Variants in RASSF8 observed in about 807,000 individuals in gnomAD.
RASSF8 encodes Ras association domain family member 8, also known as ras association domain-containing protein 8.
Under a neutral mutation model 48.5 loss-of-function variants are expected in RASSF8, and 22 were observed. The ratio of observed to expected loss-of-function variants is 0.45; its 90% CI spans 0.32 to 0.65. RASSF8 has a LOEUF of 0.65. RASSF8 is among the 30% of genes least tolerant of loss of function. The probability of loss-of-function intolerance (pLI) is 0.03; values close to 1 mark genes in which losing one functional copy is unlikely to be tolerated. For synonymous variants in RASSF8, 127 were observed against 171.5 expected (o/e 0.74, Z 2.03); for missense variants, 418 against 489.2 (o/e 0.85, Z 1.37).
chr12:26,017,665 C>G (rs1942683187), intron 2 of RASSF8, among the ~76,000 whole-genome samples: 1 of 152,224 alleles, frequency 6.6e-6, no homozygotes, highest in Non-Finnish European at 1.5e-5. Context: ...TTGCTGCTGG[C>G]TCTTGTACAC....
In RASSF8 at chr12:26,071,630, A is replaced by G. The variant is rs920705399; in HGVS notation, c.*2812A>G. 1.5e-5 allele frequency: 15 copies of G among 985,038 alleles called. No individual in the cohort carries two copies. In the African/African-American group the frequency reaches 1.9e-4, roughly 13 times the overall value. The allele number at this position is 985,038 out of a possible 1,614,324, so 61.0% of individuals were successfully genotyped here. On this transcript the variant is annotated 3_prime_UTR_variant, in exon 6 of 6. Transcript: ENST00000689635. ...TTCTGAGATATTTTGGTTTGATAAC[A>G]TTTTGTTTTTTGTCTTGATGCACAG...
At chr12:25,980,588 T>C (rs1036413428) in intron 1 of RASSF8, among the ~76,000 whole-genome samples, 8 of 152,196 alleles carry the variant, frequency 5.3e-5, no homozygotes, top group African/African-American at 1.9e-4. Flanking sequence ...AAAACACTTA[T>C]GGAAGCTGGA....
intron 1 of RASSF8, among the ~76,000 whole-genome samples, chr12:25,970,003 C>T (rs1389469363): frequency 1.3e-5 from 2 of 152,090 alleles, no homozygotes; most frequent in African/African-American, 2.4e-5. Flanking sequence ...CCTATAGTCC[C>T]TGTGTGGGCA....
At chr12:26,004,954 G>A (rs1192766846) in intron 2 of RASSF8, among the ~76,000 whole-genome samples, 5 of 152,068 alleles carry the variant, frequency 3.3e-5, no homozygotes, top group Non-Finnish European at 7.3e-5. Context: ...ATGGGTTTGA[G>A]GCCAGTCTGG....
At chr12:25,974,654 T>C (rs1487791346) in intron 1 of RASSF8, among the ~76,000 whole-genome samples, 1 of 152,208 alleles carries the variant, frequency 6.6e-6, no homozygotes, top group Non-Finnish European at 1.5e-5. Context: ...CTATTTTAGA[T>C]TTTTCAAATT....
intron 2 of RASSF8, among the ~76,000 whole-genome samples, chr12:26,017,829 G>A (rs954105014): frequency 1.3e-5 from 2 of 152,180 alleles, no homozygotes; most frequent in South Asian, 2.1e-4. Context: ...ACTTCACATG[G>A]AGTGACTATC....
chr12:26,033,256 G>T (rs1235673278), intron 2 of RASSF8, among the ~76,000 whole-genome samples: 1 of 152,142 alleles, frequency 6.6e-6, no homozygotes, highest in East Asian at 1.9e-4. Flanking sequence ...GTATGCTGGA[G>T]TTCCTTTGAG....
intron 2 of RASSF8, chr12:26,021,301 T>C (rs1387329731): frequency 2.6e-5 from 4 of 152,246 alleles, no homozygotes; most frequent in Non-Finnish European, 5.9e-5. Flanking sequence ...ACTTGAGCTA[T>C]GACCCACTCT....
chr12:26,074,448 T>C (rs949069149), downstream of RASSF8, among the ~76,000 whole-genome samples: 4 of 151,972 alleles, frequency 2.6e-5, no homozygotes, highest in Non-Finnish European at 4.4e-5. Flanking sequence ...GTTCAAGCAA[T>C]TCTCCTGCCT....
intron 1 of RASSF8, among the ~76,000 whole-genome samples, chr12:25,990,810 T>C (rs1941997106): frequency 6.6e-6 from 1 of 152,228 alleles, no homozygotes; most frequent in African/African-American, 2.4e-5. Context: ...CACAGGGATA[T>C]CACTTATGAA....
intron 2 of RASSF8, among the ~76,000 whole-genome samples, chr12:26,014,013 G>A (rs1428668092): frequency 6.6e-6 from 1 of 152,148 alleles, no homozygotes; most frequent in Non-Finnish European, 1.5e-5. Flanking sequence ...TGTGGTATTG[G>A]TTTGAGGAAT....
At chr12:25,968,488 A>G (rs1941410182) in intron 1 of RASSF8, among the ~76,000 whole-genome samples, 1 of 152,116 alleles carries the variant, frequency 6.6e-6, no homozygotes, top group Non-Finnish European at 1.5e-5. Context: ...GATTATAGGC[A>G]TGTACCACCA....
Position 26,065,070 on chromosome 12 carries a change from T to A in RASSF8, c.676T>A (p.Trp226Arg). ...NDVEIEEEEF[W>R]ENELQIEQEN... Reference sequence around the variant, plus strand: ...TGTAGAAATTGAGGAGGAAGAATTCTGGGAAAATGAATTACAGATTGAACA... The same window carrying A: ...TGTAGAAATTGAGGAGGAAGAATTCAGGGAAAATGAATTACAGATTGAACA... The change falls in exon 4 of 6, where the codon TGG becomes AGG. Residue 226 changes from tryptophan (W) to arginine (R), a missense_variant. By Grantham distance (101) the Trp-to-Arg change is moderately radical (BLOSUM62 -3). Transcript: ENST00000689635. 1 of 1,613,850 alleles carries A rather than the reference T, an allele frequency of 6.2e-7. No homozygotes were observed. The highest frequency in any genetic ancestry group is 8.5e-7 in the Non-Finnish European group (1 of 1,179,860).
At chr12:26,055,851 A>G (rs1260094141) in intron 3 of RASSF8, among the ~76,000 whole-genome samples, 1 of 152,236 alleles carries the variant, frequency 6.6e-6, no homozygotes, top group African/African-American at 2.4e-5. Context: ...AACAAATGAA[A>G]TAACATCGTT....
intron 2 of RASSF8, among the ~76,000 whole-genome samples, chr12:26,004,730 A>G (rs1014007462): frequency 5.9e-5 from 9 of 152,122 alleles, no homozygotes; most frequent in African/African-American, 2.2e-4. Context: ...GAGGAGGAGG[A>G]AGGGGAGCTC....
At chr12:26,014,132 C>T (rs1397666219) in intron 2 of RASSF8, among the ~76,000 whole-genome samples, 2 of 152,204 alleles carry the variant, frequency 1.3e-5, no homozygotes, top group Non-Finnish European at 2.9e-5. Context: ...GTGCCTTGTG[C>T]CCGGTGACTT....
In RASSF8 at chr12:26,071,882, C is replaced by G; in HGVS notation, c.*3064C>G. On this transcript the variant is annotated 3_prime_UTR_variant, in exon 6 of 6. Transcript: ENST00000689635. ...AATATATAACAAGAACATGTAAGCACTTGCTTCCACAGCATAAATGTAATT... is the reference window on the plus strand; with the variant it reads ...AATATATAACAAGAACATGTAAGCAGTTGCTTCCACAGCATAAATGTAATT... The G allele has an allele frequency of 1.0e-6, 1 of 984,808 alleles. No homozygotes were observed. Among genetic ancestry groups the G allele is most frequent in the Non-Finnish European group, 1.2e-6 (1 of 829,442 alleles). The allele number at this position is 984,808 out of a possible 1,614,324, so 61.0% of individuals were successfully genotyped here.
chr12:26,077,549 G>A (rs1198083789), downstream of RASSF8, among the ~76,000 whole-genome samples: 2 of 151,962 alleles, frequency 1.3e-5, no homozygotes, highest in Non-Finnish European at 2.9e-5. Flanking sequence ...TTTTTGTCAG[G>A]TTTGTCAAAG....
intron 2 of RASSF8, among the ~76,000 whole-genome samples, chr12:26,023,352 T>C (rs1320277774): frequency 6.6e-6 from 1 of 152,132 alleles, no homozygotes; most frequent in Admixed American, 6.5e-5. Flanking sequence ...ATAGTAAAAA[T>C]GCTGAAAGAT....
Sources: gnomAD v4.1 joint callset for allele counts (sites outside exome capture counted in the v4.1 genomes callset) on GRCh38, gnomAD v4.1.1 for gene constraint, MANE v1.5 for transcripts, NCBI Gene and HGNC (gene_info 2026-07-23, HGNC 2026-07-21) for gene names.